Variants in HERC2 observed in about 807,000 individuals in gnomAD.
The protein encoded by HERC2 is E3 ubiquitin-protein ligase HERC2.
A neutral mutation model predicts 537.7 loss-of-function variants in HERC2; 102 were observed. The observed-to-expected ratio is 0.19, with a 90% CI of 0.16 to 0.22. The LOEUF is 0.22. Ranked by LOEUF, HERC2 falls within the 10% of genes least tolerant of loss-of-function variation. The probability of loss-of-function intolerance (pLI) is 1.00; values close to 1 mark genes in which losing one functional copy is unlikely to be tolerated. For missense variants in HERC2, 4,236 were observed against 6,198.2 expected (o/e 0.68, Z 10.63); for synonymous variants, 2,224 against 2,466.2 (o/e 0.90, Z 2.91).
chr15:28,202,383 G>A lies in HERC2; in HGVS notation c.7444C>T (p.Leu2482Phe), dbSNP rs1478046903. 6.2e-7 allele frequency: 1 copy of A among 1,613,808 alleles called. No individual in the cohort carries two copies. The highest frequency in any genetic ancestry group is 1.1e-5 in the South Asian group (1 of 91,044). ...RRNIEFALKSLTGASGNASSL... is the reference protein window; with the variant it reads ...RRNIEFALKSFTGASGNASSL... ...GATGCATTCCCGGAAGCACCAGTGA[G>A]AGACTTCAGGGCAAACTCGATGTTC... The change falls in exon 46 of 93, where the codon CTC becomes TTC. Residue 2482 changes from leucine to phenylalanine, a missense_variant. This residue lies in a region of HERC2 where 606 missense variants were observed against 884.5 expected (regional missense o/e 0.69). Transcript: ENST00000261609.
intron 4 of HERC2, among the ~76,000 whole-genome samples, chr15:28,290,511 T>A (rs2076283005): frequency 6.6e-6 from 1 of 152,108 alleles, no homozygotes; most frequent in African/African-American, 2.4e-5. Flanking sequence ...ATTACAGGCA[T>A]GAGCCACCAC....
chr15:28,247,554 G>C lies in HERC2; in HGVS notation c.3236-657C>G, dbSNP rs1331724193. 5.9e-5 allele frequency among the ~76,000 whole-genome samples: 9 copies of C among 151,394 alleles called. No homozygotes were observed. The East Asian group carries it at 1.8e-3, about 30-fold the overall frequency. On this transcript the variant is annotated intron_variant, in intron 21 of 92. Coordinates refer to ENST00000261609, the MANE Select transcript of HERC2 (RefSeq NM_004667.6). ...AGCGATTCTCCTGCCTCAGCCTCCG[G>C]AGTAGCTGGGATTACAGGCACCTGC...
chr15:28,264,020 C>CAAAAAAAAAA (rs34823980), intron 14 of HERC2, among the ~76,000 whole-genome samples: 39 of 83,272 alleles, frequency 4.7e-4, no homozygotes, highest in Non-Finnish European at 6.2e-4. Context: ...CTTTGTCTTA[C>CAAAAAAAAAA]AAAAAAAAAA....
At chr15:28,295,887 A>C (rs1250261671) in intron 3 of HERC2, among the ~76,000 whole-genome samples, 1 of 152,120 alleles carries the variant, frequency 6.6e-6, no homozygotes, top group African/African-American at 2.4e-5. Flanking sequence ...TCCCATGGCT[A>C]TGACAGAGAC....
chr15:28,321,928 A>C (rs1194997869), intron 1 of HERC2, 147 bp downstream of exon 1: 2 of 140,766 alleles, frequency 1.4e-5, no homozygotes, highest in Non-Finnish European at 3.0e-5. Context: ...TAAGAGATGG[A>C]GAGAGGCCCG....
At chr15:28,182,794 C>A (rs1895949865) in intron 56 of HERC2, among the ~76,000 whole-genome samples, 1 of 152,096 alleles carries the variant, frequency 6.6e-6, no homozygotes, top group Admixed American at 6.6e-5. Context: ...CCTTCTCTTT[C>A]ATCTTAAATA....
At chr15:28,276,769 C>A (rs1041090114) in intron 5 of HERC2, among the ~76,000 whole-genome samples, 10 of 150,328 alleles carry the variant, frequency 6.7e-5, no homozygotes, top group Non-Finnish European at 1.5e-4. Context: ...CAAAAAAAAA[C>A]TACTCAGCCA....
At chr15:28,136,794 G>A (rs1215774550) in intron 78 of HERC2, among the ~76,000 whole-genome samples, 1 of 152,176 alleles carries the variant, frequency 6.6e-6, no homozygotes, top group South Asian at 2.1e-4. Flanking sequence ...GCCCTTTACA[G>A]AAAGTGTTTA....
intron 74 of HERC2, among the ~76,000 whole-genome samples, 194 bp from the exon 75 acceptor site, chr15:28,143,146 T>C (rs1196306124): frequency 3.9e-5 from 6 of 152,140 alleles, no homozygotes; most frequent in South Asian, 2.1e-4. Context: ...AAAGAGGAGT[T>C]TGAAGACTCA....
At chr15:28,289,729 G>C (rs1426845787) in intron 4 of HERC2, among the ~76,000 whole-genome samples, 1 of 152,210 alleles carries the variant, frequency 6.6e-6, no homozygotes, top group Non-Finnish European at 1.5e-5. Context: ...TGGACTTACG[G>C]GACATGGCTC....
At chr15:28,168,816 G>A (rs980714305) in intron 66 of HERC2, among the ~76,000 whole-genome samples, 4 of 152,236 alleles carry the variant, frequency 2.6e-5, no homozygotes, top group African/African-American at 7.2e-5. Flanking sequence ...GTAATGGCAG[G>A]TGAAAAACTG....
chr15:28,255,973 T>G lies in HERC2; in HGVS notation c.2770A>C (p.Ser924Arg). ...TCAATCATGAATCGACGACCTGGAC[T>G]TATGTTCACTTCATTGCCTGAAACT... The part of the protein sequence containing the change: ...CAVSGNEVNI[S>R]PGRRFMIDLL... The change falls in exon 19 of 93, where the codon AGT (serine) becomes CGT (arginine). Residue 924 changes from serine (S) to arginine (R), a missense_variant. By Grantham distance (110) the Ser-to-Arg change is moderately radical (BLOSUM62 -1). Transcript: ENST00000261609. The G allele has an allele frequency of 6.2e-7, 1 of 1,606,366 alleles. No individual in the cohort carries two copies. Among genetic ancestry groups the G allele is most frequent in the Non-Finnish European group, 8.5e-7 (1 of 1,179,812 alleles).
At chr15:28,217,424 A>C (rs1043139926) in intron 38 of HERC2, among the ~76,000 whole-genome samples, 1 of 151,586 alleles carries the variant, frequency 6.6e-6, no homozygotes, top group South Asian at 2.1e-4. Context: ...TAACACACTC[A>C]CTCTCATCAA....
In HERC2 at chr15:28,116,877, C is replaced by A. The variant is rs750633771; in HGVS notation, c.13415-18G>T. On this transcript the variant is annotated intron_variant, in intron 87 of 92. Transcript: ENST00000261609. Reference sequence around the variant, plus strand: ...AGATTCACCTGCAGGGGAGAAGCAGCCACTCGAAGTCCCCTCACACAGTCC... The same window carrying A: ...AGATTCACCTGCAGGGGAGAAGCAGACACTCGAAGTCCCCTCACACAGTCC... 15 of 1,607,672 alleles carry A rather than the reference C, an allele frequency of 9.3e-6. No homozygotes were observed. The East Asian group carries it at 3.1e-4, about 33-fold the overall frequency.
At chr15:28,216,403 A>G (rs1411176275) in intron 38 of HERC2, among the ~76,000 whole-genome samples, 2 of 151,266 alleles carry the variant, frequency 1.3e-5, no homozygotes, top group Non-Finnish European at 2.9e-5. Context: ...CTAGGTTTAC[A>G]CCACTGGATT....
chr15:28,253,034 C>G (rs1486989889), intron 20 of HERC2, among the ~76,000 whole-genome samples: 1 of 152,200 alleles, frequency 6.6e-6, no homozygotes, highest in Non-Finnish European at 1.5e-5. Context: ...TTTGCTTTCT[C>G]TATGTGTAGA....
At position 28,144,140 on chromosome 15, in the gene HERC2, T is replaced by C; in HGVS notation, c.11236A>G (p.Asn3746Asp). The C allele has an allele frequency of 5.0e-6, 8 of 1,614,192 alleles. No homozygotes were observed. Among genetic ancestry groups the C allele is most frequent in the Non-Finnish European group, 6.8e-6 (8 of 1,180,040 alleles). The change falls in exon 73 of 93, where the codon AAC becomes GAC. Residue 3746 changes from asparagine (N) to aspartate (D), a missense_variant. Around this residue, in one of 27 missense-constraint regions of HERC2, gnomAD observed 109 missense variants for 133.5 expected, o/e 0.82. Transcript: ENST00000261609. ...GCAAGGCGAGGGACGATGCTTCTGTTAGAGGCAAGGTTGAGTCGGAAGTCT... is the reference window on the plus strand; with the variant it reads ...GCAAGGCGAGGGACGATGCTTCTGTCAGAGGCAAGGTTGAGTCGGAAGTCT... ...LLDFRLNLAS[N>D]RSIVPRLAAS... is the part of the protein sequence containing the mutation.
intron 52 of HERC2, among the ~76,000 whole-genome samples, chr15:28,193,967 A>G (rs762885827): frequency 1.1e-4 from 16 of 152,292 alleles, no homozygotes; most frequent in South Asian, 6.2e-4. Context: ...AAAGAGGAAG[A>G]AAAAAGTGGA....
rs183873313 is a variant in HERC2 at position 28,300,301 on chromosome 15, C to T, written c.73-785G>A. Among the ~76,000 whole-genome samples, 163 of 149,588 alleles carry T rather than the reference C, an allele frequency of 1.1e-3. 2 individuals carry two copies. The highest frequency in any genetic ancestry group is 2.9e-5 in the Non-Finnish European group (2 of 67,870). On this transcript the variant is annotated intron_variant, in intron 2 of 92. Coordinates refer to ENST00000261609, the MANE Select transcript of HERC2 (RefSeq NM_004667.6). ...AAATTAAAATTAAATCATAAAAAAGCGAAACCTACAACTGGCAACAAGCAA... is the reference window on the plus strand; with the variant it reads ...AAATTAAAATTAAATCATAAAAAAGTGAAACCTACAACTGGCAACAAGCAA...
Sources: allele counts gnomAD v4.1 joint callset (sites outside exome capture counted in the v4.1 genomes callset), GRCh38; gene constraint gnomAD v4.1.1; regional missense constraint gnomAD v4.1.1; transcripts MANE v1.5; gene names NCBI Gene and HGNC (gene_info 2026-07-23, HGNC 2026-07-21).